The following SLC9C2 variants were observed in gnomAD, a reference collection of about 807,000 sequenced individuals.
SLC9C2 encodes the protein solute carrier family 9 member C2 (putative).
Under a neutral mutation model 140.2 loss-of-function variants are expected in SLC9C2, and 75 were observed. That is an observed-to-expected ratio of 0.53 (90% CI 0.44 to 0.65). SLC9C2 has a LOEUF of 0.65. Ranked by LOEUF, SLC9C2 falls within the 30% of genes least tolerant of loss-of-function variation. SLC9C2 has a pLI of 0.00. For synonymous variants in SLC9C2, 375 were observed against 420.9 expected (o/e 0.89, Z 1.34); for missense variants, 1,074 against 1,331.8 (o/e 0.81, Z 3.01).
chr1:173,559,263 C>G (rs1406576526), intron 9 of SLC9C2, among the ~76,000 whole-genome samples: 1 of 152,198 alleles, frequency 6.6e-6, no homozygotes, highest in African/African-American at 2.4e-5. Flanking sequence ...GCAGTTTCTC[C>G]TGTTTTCCAA....
intron 9 of SLC9C2, among the ~76,000 whole-genome samples, chr1:173,568,583 A>G (rs1287519782): frequency 6.6e-6 from 1 of 152,196 alleles, no homozygotes; most frequent in Non-Finnish European, 1.5e-5. Context: ...TAGTGCTGCA[A>G]TGAACATTCA....
Position 173,508,073 on chromosome 1 carries a change from T to TC in SLC9C2, c.3040-1033dup, listed in dbSNP as rs1014441139. Among the ~76,000 whole-genome samples the TC allele has an allele frequency of 5.3e-5, 8 of 152,054 alleles. No homozygotes were observed. In the South Asian group the frequency reaches 1.5e-3, roughly 28 times the overall value. ...TGAATCTCAGTCACTGACAGGTGAA[T>TC]CATACATTTATTTGCTGAGGGCACC... On this transcript the variant is annotated intron_variant, in intron 24 of 27. Transcript: ENST00000367714.
intron 6 of SLC9C2, among the ~76,000 whole-genome samples, chr1:173,582,651 T>C (rs1260374730): frequency 6.6e-6 from 1 of 152,208 alleles, no homozygotes; most frequent in African/African-American, 2.4e-5. Context: ...ATCACAAAAG[T>C]ATATCAGAAA....
intron 19 of SLC9C2, 72 bp from the exon 20 acceptor site, chr1:173,524,999 T>C (rs1661098020): frequency 2.8e-6 from 4 of 1,426,494 alleles, no homozygotes; most frequent in South Asian, 1.4e-5. Flanking sequence ...AGTATAATAC[T>C]GTATAATTTC....
chr1:173,550,679 C>T (rs1022203035), intron 11 of SLC9C2, among the ~76,000 whole-genome samples: 3 of 151,740 alleles, frequency 2.0e-5, no homozygotes, highest in East Asian at 1.9e-4. Flanking sequence ...CCTTGTGATC[C>T]GCCCGCCTTG....
At chr1:173,525,496 A>G (rs1293020326) in intron 19 of SLC9C2, among the ~76,000 whole-genome samples, 1 of 152,248 alleles carries the variant, frequency 6.6e-6, no homozygotes, top group Non-Finnish European at 1.5e-5. Context: ...ATTGACCACT[A>G]AAGTGAAAGG....
In SLC9C2 at chr1:173,509,577, A is replaced by G. The variant is rs141634958; in HGVS notation, c.3030T>C (p.Leu1010=). Residue 1010 remains leucine, a synonymous_variant, in exon 24 of 28, where the codon CTT becomes CTC. Transcript: ENST00000367714. Reference sequence around the variant, plus strand: ...TAATCACATAACTTACCTCATCAATAAGACTTGATTCAAAATACTGATAGG... The same window carrying G: ...TAATCACATAACTTACCTCATCAATGAGACTTGATTCAAAATACTGATAGG... ...STAYQYFESS[L]IDEDLRFQNC... is the part of the protein sequence containing the mutation. The G allele has an allele frequency of 9.6e-6, 15 of 1,556,950 alleles. No homozygotes were observed. The highest frequency in any genetic ancestry group is 1.3e-5 in the Non-Finnish European group (15 of 1,155,452).
At chr1:173,582,460 T>C (rs959321025) in intron 6 of SLC9C2, among the ~76,000 whole-genome samples, 1 of 152,138 alleles carries the variant, frequency 6.6e-6, no homozygotes, top group Non-Finnish European at 1.5e-5. Flanking sequence ...TAAGAAATTT[T>C]CATTAGTCAC....
chr1:173,598,068 T>C, intron 3 of SLC9C2, 36 bp from the exon 4 acceptor site: 1 of 1,553,250 alleles, frequency 6.4e-7, no homozygotes, highest in Non-Finnish European at 8.7e-7. Flanking sequence ...ATTAGTTTGC[T>C]ACCATTTCCA....
At chr1:173,526,597 C>T in intron 19 of SLC9C2, 66 bp downstream of exon 19, 1 of 1,332,156 alleles carries the variant, frequency 7.5e-7, no homozygotes, top group Non-Finnish European at 1.1e-6. Flanking sequence ...ATGAATTGTT[C>T]TTCTTTTATT....
At chr1:173,524,647 A>T in intron 20 of SLC9C2, 132 bp downstream of exon 20, 1 of 954,402 alleles carries the variant, frequency 1.0e-6, no homozygotes, top group Non-Finnish European at 1.6e-6. Flanking sequence ...CCTTTGCATT[A>T]TCAAAGGCTG....
intron 9 of SLC9C2, among the ~76,000 whole-genome samples, chr1:173,568,258 T>C (rs984860678): frequency 5.3e-5 from 8 of 152,150 alleles, no homozygotes; most frequent in African/African-American, 1.9e-4. Context: ...AATAGTTACT[T>C]TTTCTGCTCC....
intron 23 of SLC9C2, among the ~76,000 whole-genome samples, chr1:173,510,470 G>T (rs578226065): frequency 6.6e-6 from 1 of 152,038 alleles, no homozygotes; most frequent in Non-Finnish European, 1.5e-5. Flanking sequence ...TTATTCTAAT[G>T]CTCTCATTCC....
At chr1:173,586,939 T>C (rs1040718126) in intron 5 of SLC9C2, among the ~76,000 whole-genome samples, 1 of 152,178 alleles carries the variant, frequency 6.6e-6, no homozygotes, top group Non-Finnish European at 1.5e-5. Context: ...CAAACTACCA[T>C]GGCACACATA....
chr1:173,567,606 T>TA (rs1664558978), intron 9 of SLC9C2, among the ~76,000 whole-genome samples: 2 of 152,104 alleles, frequency 1.3e-5, no homozygotes, highest in African/African-American at 2.4e-5. Context: ...TTTTTTATTA[T>TA]TAATTCATCC....
At position 173,573,283 on chromosome 1, in the gene SLC9C2, A is replaced by G. The variant is rs770348844; in HGVS notation, c.945T>C (p.Tyr315=). Residue 315 remains tyrosine, a synonymous_variant, in exon 9 of 28, where the codon TAT becomes TAC. Transcript: ENST00000367714. ...IFSSVYEHLI[Y]AFFGIVIGCG... ...ATCCAATCACAATGCCAAAGAAAGC[A>G]TATATTAAATGTTCATATACAGATG... is the stretch of plus-strand genomic sequence containing the variant. 6.4e-7 allele frequency: 1 copy of G among 1,573,076 alleles called. No individual in the cohort carries two copies. Among genetic ancestry groups the G allele is most frequent in the Non-Finnish European group, 8.7e-7 (1 of 1,144,302 alleles).
In SLC9C2 at chr1:173,511,029, C is replaced by CTTTTTTT. The variant is rs71111066; in HGVS notation, c.2908-1337_2908-1331dup. On this transcript the variant is annotated intron_variant, in intron 23 of 27. Transcript: ENST00000367714. ...CCTGGATTTTTTTTCCTTTCTTTTC[C>CTTTTTTT]TTTTTTTTTTTTTTTTTTTTTTTTG... 7.8e-4 allele frequency among the ~76,000 whole-genome samples: 68 copies of CTTTTTTT among 86,742 alleles called. 3 individuals are homozygous for CTTTTTTT. Among genetic ancestry groups the CTTTTTTT allele is most frequent in the African/African-American group, 1.3e-3 (24 of 18,324 alleles). The allele number at this position is 86,742 out of a possible 152,430, so 56.9% of individuals were successfully genotyped here. A position where few individuals can be genotyped will look rare whatever the true frequency, so the allele number is the denominator to read the frequency against.
chr1:173,525,148 C>T (rs755626836), intron 19 of SLC9C2, among the ~76,000 whole-genome samples: 1 of 151,878 alleles, frequency 6.6e-6, no homozygotes, highest in Non-Finnish European at 1.5e-5. Flanking sequence ...GAGAAAATCA[C>T]TCTCTCTCTC....
chr1:173,546,882 T>C (rs1662887251), intron 13 of SLC9C2, among the ~76,000 whole-genome samples: 3 of 152,160 alleles, frequency 2.0e-5, no homozygotes, highest in Non-Finnish European at 4.4e-5. Flanking sequence ...AATTTAGAGA[T>C]ATATACTGAA....
Sources: gnomAD v4.1 joint callset for allele counts (sites outside exome capture counted in the v4.1 genomes callset) on GRCh38, gnomAD v4.1.1 for gene constraint, MANE v1.5 for transcripts, NCBI Gene and HGNC (gene_info 2026-07-23, HGNC 2026-07-21) for gene names.